The following TOX2 variants were observed in gnomAD, a reference collection of about 807,000 sequenced individuals.
TOX2 encodes the protein TOX high mobility group box family member 2.
TOX2 carries 15 observed loss-of-function variants against 47.4 expected under a neutral mutation model. The observed-to-expected ratio is 0.32, with a 90% CI of 0.21 to 0.49. The LOEUF (loss-of-function observed/expected upper bound fraction) is 0.49. Among genes scored for constraint, TOX2 ranks in the 20% least tolerant of loss-of-function variants. The pLI is 0.99. For missense variants in TOX2, 622 were observed against 673.1 expected, an observed-to-expected ratio of 0.92 and a Z score of 0.84; for synonymous variants, 290 against 296.6, an observed-to-expected ratio of 0.98 and a Z score of 0.23.
chr20:43,914,867 C>T lies in TOX2; in HGVS notation c.-25C>T, dbSNP rs1371951467. ...CCGCCCAGGCACTGCCCGCGGGAGC[C>T]GCCGCCGCCGCCGCCGCGCCCGCCA... On this transcript the variant is annotated 5_prime_UTR_variant, in exon 1 of 9. Transcript: ENST00000341197. This position sits in a 1 kb window ranked among gnomAD's most constrained non-coding sequence, Gnocchi z 4.5. 12 of 805,922 alleles carry T rather than the reference C, an allele frequency of 1.5e-5. No individual in the cohort carries two copies. Among genetic ancestry groups the T allele is most frequent in the Non-Finnish European group, 1.8e-5 (12 of 667,916 alleles). 49.9% of individuals were successfully genotyped at this position (805,922 alleles called of 1,614,324 possible). A position where few individuals can be genotyped will look rare whatever the true frequency, so the allele number is the denominator to read the frequency against.
At chr20:44,029,465 G>A (rs981044797) in intron 3 of TOX2, among the ~76,000 whole-genome samples, 22 of 152,116 alleles carry the variant, frequency 1.4e-4, no homozygotes, top group Non-Finnish European at 2.2e-4. Flanking sequence ...CTCTGTGTGC[G>A]CTGCAGACAG....
intron 1 of TOX2, among the ~76,000 whole-genome samples, chr20:43,932,414 C>T (rs570593424): frequency 3.1e-4 from 47 of 152,270 alleles, no homozygotes; most frequent in Non-Finnish European, 6.5e-4. Flanking sequence ...CATTGTGGTA[C>T]GGTCTGATGC....
At chr20:43,963,270 C>T (rs6031264) in intron 1 of TOX2, among the ~76,000 whole-genome samples, 22,755 of 152,186 alleles carry the variant, frequency 0.15, 3,118 homozygotes, top group African/African-American at 0.37. Flanking sequence ...CCCCTCGATG[C>T]CTTTTATTGA....
intron 1 of TOX2, among the ~76,000 whole-genome samples, chr20:43,928,696 C>T (rs2069209203): frequency 6.6e-6 from 1 of 152,180 alleles, no homozygotes; most frequent in South Asian, 2.1e-4. Flanking sequence ...CTTCCACATG[C>T]CAGCTGGGGA....
intron 1 of TOX2, among the ~76,000 whole-genome samples, chr20:43,961,911 C>T (rs1263801799): frequency 6.6e-6 from 1 of 152,218 alleles, no homozygotes. Context: ...CATCTCATTA[C>T]ACCTTGACCC....
At chr20:43,941,402 G>A (rs1349932418) in intron 1 of TOX2, among the ~76,000 whole-genome samples, 2 of 150,328 alleles carry the variant, frequency 1.3e-5, no homozygotes, top group African/African-American at 4.9e-5. Context: ...GCGCGATCTC[G>A]GCTCACTGCA....
intron 2 of TOX2, among the ~76,000 whole-genome samples, chr20:44,005,329 C>T (rs1300897953): frequency 6.6e-6 from 1 of 152,186 alleles, no homozygotes; most frequent in African/African-American, 2.4e-5. Flanking sequence ...ACCGTCTATG[C>T]CAAACTCTGG....
intron 1 of TOX2, among the ~76,000 whole-genome samples, chr20:43,935,376 A>T (rs2145332558): frequency 6.6e-6 from 1 of 152,306 alleles, no homozygotes; most frequent in Non-Finnish European, 1.5e-5. Context: ...AAACATGGAA[A>T]CTGTTAGTGC....
At chr20:43,920,381 C>T (rs1205073154) in intron 1 of TOX2, among the ~76,000 whole-genome samples, 7 of 152,144 alleles carry the variant, frequency 4.6e-5, no homozygotes, top group East Asian at 3.8e-4. Context: ...GTGAGGCCTG[C>T]CCGGCATACT....
intron 1 of TOX2, among the ~76,000 whole-genome samples, chr20:43,921,789 G>A (rs59052930): frequency 1.5e-4 from 23 of 152,074 alleles, no homozygotes; most frequent in Non-Finnish European, 2.8e-4. Flanking sequence ...CTCTCGAAGC[G>A]CTGGGACTGC....
intron 3 of TOX2, among the ~76,000 whole-genome samples, chr20:44,019,788 GC>G (rs1199513979): frequency 1.3e-5 from 2 of 152,184 alleles, no homozygotes; most frequent in Non-Finnish European, 2.9e-5. Context: ...TCCTGTCTCT[GC>G]CACCACTAAG....
intron 1 of TOX2, chr20:43,945,989 TCCTTC>T: frequency 6.2e-7 from 1 of 1,614,138 alleles, no homozygotes; most frequent in Non-Finnish European, 8.5e-7. Flanking sequence ...AGACTCGGGC[TCCTTC>T]TACTTGCAAG....
At chr20:44,047,011 T>C (rs1368927076) in intron 3 of TOX2, among the ~76,000 whole-genome samples, 1 of 152,212 alleles carries the variant, frequency 6.6e-6, no homozygotes, top group Non-Finnish European at 1.5e-5. Flanking sequence ...TCTCTGATCT[T>C]GATAACAAAG....
chr20:44,056,312 G>A (rs2071615128), intron 5 of TOX2, among the ~76,000 whole-genome samples: 1 of 152,242 alleles, frequency 6.6e-6, no homozygotes, highest in African/African-American at 2.4e-5. Flanking sequence ...GGTAAGGACT[G>A]GGGGATATTG....
chr20:44,002,140 G>A (rs1055639858), intron 2 of TOX2, among the ~76,000 whole-genome samples: 40 of 152,076 alleles, frequency 2.6e-4, no homozygotes, highest in Admixed American at 2.2e-3. Context: ...CAGCTTTCCA[G>A]TTCAGAGTCG....
chr20:44,066,241 A>G, intron 7 of TOX2, 134 bp downstream of exon 7: 1 of 970,000 alleles, frequency 1.0e-6, no homozygotes, highest in Non-Finnish European at 1.5e-6. Flanking sequence ...TCTGAGCCTC[A>G]GTTACCACAT....
chr20:44,037,415 G>A (rs2071258823), intron 3 of TOX2, among the ~76,000 whole-genome samples: 1 of 152,240 alleles, frequency 6.6e-6, no homozygotes, highest in African/African-American at 2.4e-5. Flanking sequence ...TGCCCCATGA[G>A]GGCAGGGTCA....
chr20:43,950,932 A>G (rs548710643), intron 1 of TOX2, among the ~76,000 whole-genome samples: 12 of 152,134 alleles, frequency 7.9e-5, no homozygotes, highest in African/African-American at 2.9e-4. Context: ...GCATGAGTAC[A>G]TGAGTAAGAA....
At chr20:43,958,781 C>T (rs2069709986) in intron 1 of TOX2, among the ~76,000 whole-genome samples, 1 of 152,234 alleles carries the variant, frequency 6.6e-6, no homozygotes, top group South Asian at 2.1e-4. Context: ...GGTTGTAACC[C>T]TGGACATGCT....
Sources: allele counts gnomAD v4.1 joint callset (sites outside exome capture counted in the v4.1 genomes callset), GRCh38; gene constraint gnomAD v4.1.1; non-coding constraint Gnocchi (gnomAD v3.1); transcripts MANE v1.5; gene names NCBI Gene and HGNC (gene_info 2026-07-23, HGNC 2026-07-21).